The following MCTP2 variants were observed in gnomAD, a reference collection of about 807,000 sequenced individuals.
MCTP2 encodes multiple C2 and transmembrane domain-containing protein 2.
In MCTP2, 132 loss-of-function variants were observed where a neutral mutation model predicts 111.6. The observed-to-expected ratio is 1.18, with a 90% CI of 1.03 to 1.37. The LOEUF (loss-of-function observed/expected upper bound fraction) is 1.37. Ranked by LOEUF, MCTP2 falls within the 40% of genes most tolerant of loss-of-function variation. The pLI, the probability that MCTP2 is intolerant of heterozygous loss-of-function variation, is 0.00. For missense variants in MCTP2, 1,183 were observed against 1,067.9 expected (o/e 1.11, Z -1.50); for synonymous variants, 395 against 387.7 (o/e 1.02, Z -0.22).
At chr15:94,475,001 G>A (rs1198671547) in intron 21 of MCTP2, among the ~76,000 whole-genome samples, 2 of 151,986 alleles carry the variant, frequency 1.3e-5, no homozygotes, top group Non-Finnish European at 2.9e-5. Flanking sequence ...TATTATCCCT[G>A]CCTTGCCGTT....
At chr15:94,290,114 T>C (rs2074965264) in intron 1 of MCTP2, among the ~76,000 whole-genome samples, 1 of 151,262 alleles carries the variant, frequency 6.6e-6, no homozygotes, top group African/African-American at 2.4e-5. Context: ...TTGCTAAGGC[T>C]GAGAAAGATA....
chr15:94,418,881 G>A (rs2082493714), intron 17 of MCTP2, among the ~76,000 whole-genome samples: 1 of 152,094 alleles, frequency 6.6e-6, no homozygotes, highest in Non-Finnish European at 1.5e-5. Flanking sequence ...GTATTCTAAA[G>A]AGGAAAATAA....
chr15:94,398,259 G>T (rs2081378678), intron 14 of MCTP2, among the ~76,000 whole-genome samples: 1 of 152,022 alleles, frequency 6.6e-6, no homozygotes, highest in South Asian at 2.1e-4. Context: ...ATTGTTTCCT[G>T]GCTTGTAAAG....
chr15:94,298,493 C>G lies in MCTP2; in HGVS notation c.228C>G (p.Thr76=), dbSNP rs779347604. 25 of 1,613,958 alleles carry G rather than the reference C, an allele frequency of 1.5e-5. No homozygotes were observed. The highest frequency in any genetic ancestry group is 2.0e-5 in the Non-Finnish European group (24 of 1,179,980). The change falls in exon 2 of 23, where the codon ACC becomes ACG. Residue 76 remains threonine, a synonymous_variant. Coordinates refer to ENST00000357742, the MANE Select transcript of MCTP2 (RefSeq NM_001385001.1). The stretch of plus-strand genomic sequence containing the variant: ...ACTCCGGGCCACAGTCTTCCTACAC[C>G]TCGGTGCCCAGCAGTCTGTCCACTG... The part of the protein sequence containing the change: ...RPYSGPQSSY[T]SVPSSLSTAG...
intron 17 of MCTP2, among the ~76,000 whole-genome samples, chr15:94,411,945 A>C (rs2082171250): frequency 6.6e-6 from 1 of 152,050 alleles, no homozygotes; most frequent in African/African-American, 2.4e-5. Flanking sequence ...GTTTTAATTC[A>C]TTGTCTGGGA....
At chr15:94,380,743 A>T (rs1390616111) in intron 12 of MCTP2, among the ~76,000 whole-genome samples, 2 of 151,788 alleles carry the variant, frequency 1.3e-5, no homozygotes, top group Non-Finnish European at 2.9e-5. Context: ...ACTCTAGCCT[A>T]GGCAACAGAG....
chr15:94,232,598 C>T (rs541814824), intron 1 of MCTP2, among the ~76,000 whole-genome samples: 1 of 152,292 alleles, frequency 6.6e-6, no homozygotes, highest in East Asian at 1.9e-4. Flanking sequence ...TGTTAACGGG[C>T]AGACCTCTGA....
At chr15:94,408,161 A>G (rs890025968) in intron 17 of MCTP2, among the ~76,000 whole-genome samples, 2 of 152,242 alleles carry the variant, frequency 1.3e-5, no homozygotes, top group Non-Finnish European at 2.9e-5. Flanking sequence ...TTCATTGGCT[A>G]TGACATCCAC....
At chr15:94,382,077 CT>C (rs1445593829) in intron 12 of MCTP2, among the ~76,000 whole-genome samples, 1 of 152,200 alleles carries the variant, frequency 6.6e-6, no homozygotes, top group African/African-American at 2.4e-5. Context: ...GGGTACTTGG[CT>C]GTGTAAGACA....
rs371439426 is a variant in MCTP2 at position 94,255,349 on chromosome 15, G to A, written c.-66+23685G>A. ...AGAATGGAAGATCTCTTTAGTTTTC[G>A]TAGTGTTTCTAGTATCAAATCTAGA... is the stretch of plus-strand genomic sequence containing the variant. On this transcript the variant is annotated intron_variant, in intron 1 of 22. Transcript: ENST00000357742. Among the ~76,000 whole-genome samples the A allele has an allele frequency of 3.0e-4, 45 of 152,212 alleles. No individual in the cohort carries two copies. The East Asian group carries it at 6.4e-3, about 22-fold the overall frequency.
chr15:94,385,592 A>G, intron 14 of MCTP2, 67 bp downstream of exon 14: 3 of 1,123,786 alleles, frequency 2.7e-6, no homozygotes, highest in East Asian at 2.4e-5. Flanking sequence ...TATGGTCTAG[A>G]GTTGCTTTAT....
rs561776522 is a variant in MCTP2, at chr15:94,268,379, C to T, written c.-65-29822C>T. ...TTTTTTTTTGTATTTTTAGTAGAGACGGGGTTTCACCACGTTGGCCAGGTT... is the reference window on the plus strand; with the variant it reads ...TTTTTTTTTGTATTTTTAGTAGAGATGGGGTTTCACCACGTTGGCCAGGTT... On this transcript the variant is annotated intron_variant, in intron 1 of 22. Transcript: ENST00000357742. Among the ~76,000 whole-genome samples the T allele has an allele frequency of 6.7e-5, 10 of 148,746 alleles. 1 individual carries two copies. The highest frequency in any genetic ancestry group is 1.5e-4 in the African/African-American group (6 of 40,368).
rs572392463 is a variant in MCTP2 at position 94,402,988 on chromosome 15, A to G, written c.2085+969A>G. 133 of 995,430 alleles carry G rather than the reference A, an allele frequency of 1.3e-4. No homozygotes were observed. The South Asian group carries it at 5.3e-3, about 40-fold the overall frequency. 61.7% of individuals were successfully genotyped at this position (995,430 alleles called of 1,614,324 possible). A position where few individuals can be genotyped will look rare whatever the true frequency, so the allele number is the denominator to read the frequency against. ...CAACAGGCATAGCCTCATATAAAAA[A>G]TGGGGGAAAAAAAACATTTATTAGC... On this transcript the variant is annotated intron_variant, in intron 17 of 22. Transcript: ENST00000357742.
At chr15:94,260,229 C>T (rs533770851) in intron 1 of MCTP2, among the ~76,000 whole-genome samples, 27 of 152,140 alleles carry the variant, frequency 1.8e-4, no homozygotes, top group Non-Finnish European at 3.7e-4. Context: ...AATTCCTCCC[C>T]GACTCAGGAT....
intron 14 of MCTP2, among the ~76,000 whole-genome samples, chr15:94,395,309 A>T (rs113852895): frequency 7.4e-4 from 112 of 152,344 alleles, no homozygotes; most frequent in African/African-American, 2.6e-3. Flanking sequence ...TGCTATTTAT[A>T]CGCAACATCC....
At chr15:94,467,449 T>C (rs2073470085) in intron 20 of MCTP2, among the ~76,000 whole-genome samples, 1 of 107,096 alleles carries the variant, frequency 9.3e-6, no homozygotes, top group African/African-American at 3.6e-5. Context: ...CAATGGAATA[T>C]AAAGTCTTTA....
chr15:94,245,499 T>G (rs1001569710), intron 1 of MCTP2, among the ~76,000 whole-genome samples: 1 of 141,660 alleles, frequency 7.1e-6, no homozygotes, highest in South Asian at 2.2e-4. Flanking sequence ...TGTATGTATT[T>G]ATATATGTAT....
At chr15:94,415,437 T>C (rs1467509166) in intron 17 of MCTP2, among the ~76,000 whole-genome samples, 1 of 152,180 alleles carries the variant, frequency 6.6e-6, no homozygotes, top group African/African-American at 2.4e-5. Context: ...GGTGTTTACA[T>C]AGTGAAAACG....
In MCTP2 at chr15:94,254,158, G is replaced by A. The variant is rs115455313; in HGVS notation, c.-66+22494G>A. ...TTGCTTCTTATTTCCTAGCATATTT[G>A]AATTGCATCACTTTCTGATCAGCCT... is the stretch of plus-strand genomic sequence containing the variant. On this transcript the variant is annotated intron_variant, in intron 1 of 22. Coordinates refer to ENST00000357742, the MANE Select transcript of MCTP2 (RefSeq NM_001385001.1). 3.4e-3 allele frequency among the ~76,000 whole-genome samples: 515 copies of A among 152,252 alleles called. 1 individual carries two copies. The highest frequency in any genetic ancestry group is 0.012 in the African/African-American group (490 of 41,550).
Sources: allele counts gnomAD v4.1 joint callset (sites outside exome capture counted in the v4.1 genomes callset), GRCh38; gene constraint gnomAD v4.1.1; transcripts MANE v1.5; gene names NCBI Gene and HGNC (gene_info 2026-07-23, HGNC 2026-07-21).